The following SKA2 variants were observed in gnomAD, a reference collection of about 807,000 sequenced individuals.
The protein encoded by SKA2 is spindle and kinetochore-associated protein 2.
SKA2 carries 13 observed loss-of-function variants against 16.9 expected under a neutral mutation model. The ratio of observed to expected loss-of-function variants is 0.77; its 90% CI spans 0.50 to 1.22. The LOEUF (loss-of-function observed/expected upper bound fraction) is 1.22, where lower values mean the gene tolerates loss of function less well. Ranked by LOEUF, SKA2 falls within the 50% of genes most tolerant of loss-of-function variation. The pLI is 0.00. For synonymous variants in SKA2, 47 were observed against 48.5 expected, an observed-to-expected ratio of 0.97 and a Z score of 0.13; for missense variants, 107 against 139.7, an observed-to-expected ratio of 0.77 and a Z score of 1.18.
chr17:59,140,540 C>T (rs2046480272), intron 1 of SKA2, among the ~76,000 whole-genome samples: 1 of 150,516 alleles, frequency 6.6e-6, no homozygotes, highest in African/African-American at 2.4e-5. Flanking sequence ...AATCTGCAGG[C>T]TTTTATGGAA....
chr17:59,154,480 T>C (rs2046605243), intron 1 of SKA2, among the ~76,000 whole-genome samples: 1 of 152,150 alleles, frequency 6.6e-6, no homozygotes, highest in Admixed American at 6.5e-5. Context: ...CAGGATGCCT[T>C]TCCTGTCTCA....
At chr17:59,148,808 CAAAAAAAAAAAAA>C (rs758187008) in intron 1 of SKA2, among the ~76,000 whole-genome samples, 2 of 47,582 alleles carry the variant, frequency 4.2e-5, no homozygotes, top group African/African-American at 1.6e-4. Context: ...GACCCTGTCT[CAAAAAAAAAAAAA>C]AAAAAAAAAG....
chr17:59,126,399 T>A (rs1465215059), intron 2 of SKA2, among the ~76,000 whole-genome samples: 5 of 152,100 alleles, frequency 3.3e-5, no homozygotes, highest in African/African-American at 1.2e-4. Context: ...ATTATATGTA[T>A]GGATGTGGGT....
At chr17:59,138,337 G>A (rs1467601803) in intron 1 of SKA2, among the ~76,000 whole-genome samples, 3 of 151,668 alleles carry the variant, frequency 2.0e-5, no homozygotes, top group Non-Finnish European at 1.5e-5. Flanking sequence ...TCCCTAATCT[G>A]AAAATTCAAA....
At chr17:59,126,689 A>G (rs546038492) in intron 2 of SKA2, among the ~76,000 whole-genome samples, 162 of 152,366 alleles carry the variant, frequency 1.1e-3, no homozygotes, top group African/African-American at 3.6e-3. Flanking sequence ...ATTGAATATT[A>G]CAGGAGTTAA....
At chr17:59,141,410 A>AATAG (rs1442338843) in intron 1 of SKA2, among the ~76,000 whole-genome samples, 1 of 151,556 alleles carries the variant, frequency 6.6e-6, no homozygotes, top group Non-Finnish European at 1.5e-5. Flanking sequence ...TAAATAAATA[A>AATAG]ATAGATAAAT....
At chr17:59,123,234 C>T (rs1294892236) in intron 2 of SKA2, among the ~76,000 whole-genome samples, 1 of 116,262 alleles carries the variant, frequency 8.6e-6, no homozygotes, top group Non-Finnish European at 1.7e-5. Context: ...TTCCATAGTA[C>T]AAAATTCTTT....
At chr17:59,120,462 G>C (rs568289222) in intron 2 of SKA2, among the ~76,000 whole-genome samples, 20 of 150,544 alleles carry the variant, frequency 1.3e-4, no homozygotes, top group Non-Finnish European at 2.8e-4. Flanking sequence ...TGCCCAGGCT[G>C]GTCTTAAACT....
At chr17:59,122,483 C>A (rs974002565) in intron 2 of SKA2, among the ~76,000 whole-genome samples, 5 of 151,994 alleles carry the variant, frequency 3.3e-5, no homozygotes, top group Non-Finnish European at 5.9e-5. Context: ...TGGTAGCACA[C>A]GCCTGTAGTC....
intron 2 of SKA2, among the ~76,000 whole-genome samples, chr17:59,128,617 C>G (rs2046387585): frequency 6.9e-6 from 1 of 145,974 alleles, no homozygotes; most frequent in African/African-American, 2.5e-5. Flanking sequence ...CAGAGCGAGA[C>G]TCGGTCTCAA....
intron 2 of SKA2, among the ~76,000 whole-genome samples, chr17:59,126,317 C>A (rs1162299846): frequency 6.6e-6 from 1 of 152,094 alleles, no homozygotes; most frequent in Admixed American, 6.5e-5. Flanking sequence ...AAAATGTTGA[C>A]TTTTATGCAG....
rs1391808567 is a variant in SKA2 at position 59,111,452 on chromosome 17, AT to A, written c.*824del. ...AACAGTTTCCTTATTGCCAATAGTT[AT>A]TTTAAAATAAATAGTTATTTTAAAG... On this transcript the variant is annotated 3_prime_UTR_variant, in exon 4 of 4. Coordinates refer to ENST00000330137, the MANE Select transcript of SKA2 (RefSeq NM_182620.4). 2.0e-5 allele frequency: 3 copies of A among 152,220 alleles called. No homozygotes were observed. Among genetic ancestry groups the A allele is most frequent in the African/African-American group, 7.2e-5 (3 of 41,464 alleles). 9.4% of individuals were successfully genotyped at this position (152,220 alleles called of 1,614,324 possible).
intron 1 of SKA2, among the ~76,000 whole-genome samples, chr17:59,147,381 C>T (rs2046541842): frequency 6.8e-6 from 1 of 147,626 alleles, no homozygotes; most frequent in Admixed American, 6.7e-5. Flanking sequence ...ATATAAGACA[C>T]ACACACACAC....
rs2046319042 is a variant in SKA2 at position 59,119,511 on chromosome 17, A to G, written c.121-16T>C. The G allele has an allele frequency of 1.9e-6, 3 of 1,608,010 alleles. No individual in the cohort carries two copies. Among genetic ancestry groups the G allele is most frequent in the Non-Finnish European group, 2.6e-6 (3 of 1,175,440 alleles). On this transcript the variant is annotated splice_polypyrimidine_tract_variant and intron_variant, in intron 2 of 3. Transcript: ENST00000330137. ...CTGGATTTTTCTATGTCAGGAAAAA[A>G]GTGAACATGTATTAAATTATGAAAG...
chr17:59,126,933 T>G (rs1406335090), intron 2 of SKA2, among the ~76,000 whole-genome samples: 1 of 152,176 alleles, frequency 6.6e-6, no homozygotes, highest in Non-Finnish European at 1.5e-5. Context: ...TTATTCCACC[T>G]TAAAAAGAAA....
chr17:59,134,837 G>C (rs372736542), intron 1 of SKA2, among the ~76,000 whole-genome samples: 5 of 151,816 alleles, frequency 3.3e-5, no homozygotes, highest in African/African-American at 1.2e-4. Context: ...ATATATTTTT[G>C]TCATTTATTT....
At chr17:59,119,113 A>G (rs767348109) in intron 3 of SKA2, among the ~76,000 whole-genome samples, 25 of 152,206 alleles carry the variant, frequency 1.6e-4, no homozygotes, top group Admixed American at 2.6e-4. Context: ...AAGACAGCAC[A>G]ATTCTTTATT....
chr17:59,121,793 C>CAAAAAAAAA (rs758240217), intron 2 of SKA2, among the ~76,000 whole-genome samples: 2 of 81,174 alleles, frequency 2.5e-5, no homozygotes, highest in Admixed American at 1.6e-4. Flanking sequence ...TACGAAAATA[C>CAAAAAAAAA]AAAAAAAAAA....
At chr17:59,112,997 T>A (rs2046273474) in intron 3 of SKA2, among the ~76,000 whole-genome samples, 1 of 151,782 alleles carries the variant, frequency 6.6e-6, no homozygotes, top group Admixed American at 6.6e-5. Context: ...CCCTGCAGCC[T>A]CAACCTCCCA....
Sources: allele counts gnomAD v4.1 joint callset (sites outside exome capture counted in the v4.1 genomes callset), GRCh38; gene constraint gnomAD v4.1.1; transcripts MANE v1.5; gene names NCBI Gene and HGNC (gene_info 2026-07-23, HGNC 2026-07-21).